Variants in ADAMTS7 observed in about 807,000 individuals in gnomAD.
The protein encoded by ADAMTS7 is ADAM metallopeptidase with thrombospondin type 1 motif 7, also known as A disintegrin and metalloproteinase with thrombospondin motifs 7.
A neutral mutation model predicts 172.6 loss-of-function variants in ADAMTS7; 89 were observed. The observed-to-expected ratio is 0.52, with a 90% confidence interval of 0.43 to 0.61. The LOEUF (loss-of-function observed/expected upper bound fraction) is 0.61, where lower values mean the gene tolerates loss of function less well. ADAMTS7 is among the 20% of genes least tolerant of loss of function. ADAMTS7 has a pLI of 0.00. For missense variants in ADAMTS7, 1,973 were observed against 2,355.6 expected (o/e 0.84, Z 3.36); for synonymous variants, 885 against 978.4 (o/e 0.90, Z 1.78).
chr15:78,806,861 G>A (rs2055804210), intron 1 of ADAMTS7, among the ~76,000 whole-genome samples: 1 of 152,142 alleles, frequency 6.6e-6, no homozygotes, highest in African/African-American at 2.4e-5. Flanking sequence ...CCGGCTGCTG[G>A]GTTCAAGCAA....
chr15:78,808,144 C>G lies in ADAMTS7; in HGVS notation c.100+2977G>C, dbSNP rs183073233. ...GTGCTGGAATTACAGGTGTGAATCA[C>G]TGTGTCTGGTCTAAAACATGTTTTT... On this transcript the variant is annotated intron_variant, in intron 1 of 23. Coordinates refer to ENST00000388820, the MANE Select transcript of ADAMTS7 (RefSeq NM_014272.5). Among the ~76,000 whole-genome samples, 649 of 152,282 alleles carry G rather than the reference C, an allele frequency of 4.3e-3. 2 individuals are homozygous for G. Among genetic ancestry groups the G allele is most frequent in the African/African-American group, 0.014 (600 of 41,550 alleles).
Position 78,762,402 on chromosome 15 carries a change from CG to C in ADAMTS7, c.4903del (p.Arg1635AlafsTer80). 6.8e-7 allele frequency: 1 copy of C among 1,460,848 alleles called. No individual in the cohort carries two copies. 90.5% of individuals were successfully genotyped at this position (1,460,848 alleles called of 1,614,324 possible). ...TEDCEPVEPP[R>X]CERDRLSFGF... Reference sequence around the variant, plus strand: ...AGGGAGCCTGGGGTCAGGGGACTCACGGGGAGGCTCGACGGGCTCACAATCC... The same window carrying C: ...AGGGAGCCTGGGGTCAGGGGACTCACGGGAGGCTCGACGGGCTCACAATCC... On this transcript the variant is annotated frameshift_variant and splice_region_variant, in exon 23 of 24. Transcript: ENST00000388820. LOFTEE classifies it low-confidence loss of function (END_TRUNC).
chr15:78,769,375 G>A (rs1282466277), intron 16 of ADAMTS7, among the ~76,000 whole-genome samples: 2 of 152,060 alleles, frequency 1.3e-5, no homozygotes, highest in Admixed American at 6.5e-5. Context: ...TCCCACATCC[G>A]TCCCCCTCTT....
rs2277545 is a variant in ADAMTS7 at position 78,791,249 on chromosome 15, T to C, written c.820-26A>G. ...CTGCCCAAGAGATGGGGGGGTCAGG[T>C]TGTCACGAGGATGAAGGATACAAGC... On this transcript the variant is annotated intron_variant, in intron 4 of 23. Transcript: ENST00000388820. The C allele has an allele frequency of 0.39, 624,815 of 1,602,220 alleles. 129,319 individuals carry two copies. Among genetic ancestry groups the C allele is most frequent in the Non-Finnish European group, 0.44 (511,376 of 1,173,030 alleles).
rs757157396 is a variant in ADAMTS7, at chr15:78,778,199, G to A, written c.1323-611C>T. On this transcript the variant is annotated intron_variant, in intron 8 of 23. Transcript: ENST00000388820. ...CCTCCAGCTGGCATTCCCTGGCAGC[G>A]GTAGCGGGGAAACTGGCAGACACAA... 7.2e-5 allele frequency among the ~76,000 whole-genome samples: 11 copies of A among 152,218 alleles called. No homozygotes were observed. The South Asian group carries it at 8.3e-4, about 11-fold the overall frequency.
rs2141476683 is a variant in ADAMTS7 at position 78,767,424 on chromosome 15, G to T, written c.2814C>A (p.Arg938=). 1 of 1,611,886 alleles carries T rather than the reference G, an allele frequency of 6.2e-7. No individual in the cohort carries two copies. Among genetic ancestry groups the T allele is most frequent in the South Asian group, 1.1e-5 (1 of 90,990 alleles). ...PRPPTETPCN[R]HVPCPATWAV... is the part of the protein sequence containing the mutation. ...CCCAGGTGGCCGGACAGGGTACATG[G>T]CGGTTGCAAGGGGTTTCAGTAGGGG... Residue 938 remains arginine, a synonymous_variant, in exon 18 of 24, where the codon CGC becomes CGA. Coordinates refer to ENST00000388820, the MANE Select transcript of ADAMTS7 (RefSeq NM_014272.5).
intron 8 of ADAMTS7, among the ~76,000 whole-genome samples, chr15:78,786,383 C>T (rs1461681077): frequency 2.6e-5 from 4 of 152,024 alleles, no homozygotes; most frequent in Non-Finnish European, 4.4e-5. Context: ...TGTAGGAGTT[C>T]GGTGAGACTC....
chr15:78,810,942 T>TCCCGG (rs2055858136), intron 1 of ADAMTS7, 179 bp downstream of exon 1: 10 of 653,744 alleles, frequency 1.5e-5, no homozygotes, highest in South Asian at 8.1e-5. Flanking sequence ...GCGGCTTCGC[T>TCCCGG]CCCGGCCCGG....
intron 22 of ADAMTS7, among the ~76,000 whole-genome samples, chr15:78,762,802 G>A (rs3971710): frequency 0.24 from 36,698 of 152,100 alleles, 5,008 homozygotes; most frequent in Non-Finnish European, 0.33. Flanking sequence ...CGTGAGAACC[G>A]TGGGACAGCC....
At chr15:78,787,065 A>G (rs1036285405) in intron 8 of ADAMTS7, among the ~76,000 whole-genome samples, 12 of 152,186 alleles carry the variant, frequency 7.9e-5, no homozygotes, top group African/African-American at 2.4e-4. Context: ...AATACAGTAT[A>G]TATTATATAC....
chr15:78,760,276 C>T (rs1422019300), intron 23 of ADAMTS7, among the ~76,000 whole-genome samples: 1 of 152,210 alleles, frequency 6.6e-6, no homozygotes, highest in Non-Finnish European at 1.5e-5. Flanking sequence ...CCGTGGTTAT[C>T]AGAGCTATTT....
intron 23 of ADAMTS7, among the ~76,000 whole-genome samples, chr15:78,759,958 G>T (rs1455977537): frequency 6.6e-6 from 1 of 152,134 alleles, no homozygotes; most frequent in African/African-American, 2.4e-5. Flanking sequence ...GCGGTCCCGG[G>T]GCCTCCTGCC....
At chr15:78,777,644 AG>A (rs2055370044) in intron 8 of ADAMTS7, 56 bp from the exon 9 acceptor site, 2 of 1,565,534 alleles carry the variant, frequency 1.3e-6, no homozygotes, top group South Asian at 1.2e-5. Flanking sequence ...CCATCGGAGA[AG>A]CCTTGGTGGG....
chr15:78,759,229 A>G lies in ADAMTS7; in HGVS notation c.*192T>C. The G allele has an allele frequency of 2.0e-6, 1 of 492,810 alleles. No individual in the cohort carries two copies. Among genetic ancestry groups the G allele is most frequent in the Non-Finnish European group, 3.5e-6 (1 of 288,282 alleles). The allele number at this position is 492,810 out of a possible 1,614,324, so 30.5% of individuals were successfully genotyped here. A position where few individuals can be genotyped will look rare whatever the true frequency, so the allele number is the denominator to read the frequency against. ...GCTTTGGAATGGTAGATGCTCATTT[A>G]TGTAAAATCATAATAAATGTTACAC... is the stretch of plus-strand genomic sequence containing the variant. On this transcript the variant is annotated 3_prime_UTR_variant, in exon 24 of 24. Coordinates refer to ENST00000388820, the MANE Select transcript of ADAMTS7 (RefSeq NM_014272.5).
intron 1 of ADAMTS7, 163 bp downstream of exon 1, chr15:78,810,958 C>T: frequency 1.3e-6 from 1 of 793,640 alleles, no homozygotes; most frequent in Non-Finnish European, 1.7e-6. Flanking sequence ...CCCGGCCCGA[C>T]CCCGACTACT....
Position 78,800,545 on chromosome 15 carries a change from G to A in ADAMTS7, c.103C>T (p.Arg35Cys), listed in dbSNP as rs1368498628. ...AGTGCCGCCCGGCCCTCGGTTGCAC[G>A]TCCTGCAGGGAGAGAACCACAAACG... ...APGAPGPAPG[R>C]ATEGRAALDI... The change falls in exon 2 of 24, where the codon CGT (arginine) becomes TGT (cysteine). Residue 35 changes from arginine to cysteine, a missense_variant and splice_region_variant. Physicochemically the swap from Arg to Cys is radical, Grantham distance 180. Around this residue, in one of 8 missense-constraint regions of ADAMTS7, gnomAD observed 306 missense variants for 288.0 expected, o/e 1.06. Coordinates refer to ENST00000388820, the MANE Select transcript of ADAMTS7 (RefSeq NM_014272.5). The A allele has an allele frequency of 1.3e-6, 2 of 1,588,118 alleles. No individual in the cohort carries two copies. Among genetic ancestry groups the A allele is most frequent in the Non-Finnish European group, 1.7e-6 (2 of 1,167,670 alleles).
intron 8 of ADAMTS7, among the ~76,000 whole-genome samples, chr15:78,779,435 G>A (rs1439395298): frequency 6.6e-6 from 1 of 152,164 alleles, no homozygotes; most frequent in African/African-American, 2.4e-5. Flanking sequence ...GCCTGCACCA[G>A]GCTGTGTCTA....
intron 12 of ADAMTS7, 37 bp from the exon 13 acceptor site, chr15:78,774,337 G>A (rs1209478573): frequency 5.2e-6 from 8 of 1,527,194 alleles, no homozygotes; most frequent in Non-Finnish European, 5.3e-6. Context: ...AGCAACAGCT[G>A]GGGCGGGAGT....
intron 8 of ADAMTS7, among the ~76,000 whole-genome samples, chr15:78,778,125 C>T (rs1010018683): frequency 2.0e-5 from 3 of 152,244 alleles, no homozygotes; most frequent in Admixed American, 6.5e-5. Context: ...CCCCACACCC[C>T]GACAGGGCTG....
Sources: allele counts gnomAD v4.1 joint callset (sites outside exome capture counted in the v4.1 genomes callset), GRCh38; gene constraint gnomAD v4.1.1; regional missense constraint gnomAD v4.1.1; transcripts MANE v1.5; gene names NCBI Gene and HGNC (gene_info 2026-07-23, HGNC 2026-07-21).